Variants in IRF1 observed in about 807,000 individuals in gnomAD.
The protein encoded by IRF1 is interferon regulatory factor 1, also known as interferon regulatory factor-1.
Under a neutral mutation model 43.7 loss-of-function variants are expected in IRF1, and 13 were observed. The observed-to-expected ratio is 0.30, with a 90% CI of 0.19 to 0.47. The LOEUF (loss-of-function observed/expected upper bound fraction) is 0.47, where lower values mean the gene tolerates loss of function less well. Ranked by LOEUF, IRF1 falls within the 20% of genes least tolerant of loss-of-function variation. The probability of loss-of-function intolerance (pLI) is 0.99; values close to 1 mark genes in which losing one functional copy is unlikely to be tolerated. For missense variants in IRF1, 236 were observed against 408.9 expected (o/e 0.58, Z 3.65); for synonymous variants, 138 against 146.8 (o/e 0.94, Z 0.43).
At chr5:132,484,167 G>A (rs930711657) in intron 9 of IRF1, 92 bp from the exon 10 acceptor site, 12 of 1,508,980 alleles carry the variant, frequency 8.0e-6, no homozygotes, top group Non-Finnish European at 1.0e-5. Context: ...CATGGCCTCT[G>A]CTCTTCCCAG....
chr5:132,489,185 G>A (rs1237061724), intron 2 of IRF1: 3 of 524,740 alleles, frequency 5.7e-6, no homozygotes, highest in Middle Eastern at 4.5e-4. Flanking sequence ...TCAGGTGGGT[G>A]CCCTACCTCA....
At chr5:132,484,218 G>T in intron 9 of IRF1, 143 bp from the exon 10 acceptor site, 1 of 1,443,144 alleles carries the variant, frequency 6.9e-7, no homozygotes, top group Non-Finnish European at 9.5e-7. Context: ...CAAACCTTAA[G>T]GCATGGCAGC....
At chr5:132,484,317 G>A (rs1265812165) in intron 9 of IRF1, 45 bp downstream of exon 9, 1 of 1,608,354 alleles carries the variant, frequency 6.2e-7, no homozygotes. Context: ...TCCCTACGTG[G>A]TTCTCCCTCA....
In IRF1 at chr5:132,482,082, C is replaced by T. The variant is rs1358222309; in HGVS notation, c.*1869G>A. ...TTTTTTTTTTTTTGAGACAAAGTCT[C>T]ACTCTTGTCACCCAGGCTGGAGTGC... On this transcript the variant is annotated 3_prime_UTR_variant, in exon 10 of 10. Transcript: ENST00000245414. 13 of 151,738 alleles carry T rather than the reference C, an allele frequency of 8.6e-5. No homozygotes were observed. Among genetic ancestry groups the T allele is most frequent in the Admixed American group, 7.2e-4 (11 of 15,240 alleles). The allele number at this position is 151,738 out of a possible 1,614,324, so 9.4% of individuals were successfully genotyped here.
chr5:132,487,424 G>C, intron 3 of IRF1: 1 of 431,464 alleles, frequency 2.3e-6, no homozygotes, highest in Non-Finnish European at 4.3e-6. Context: ...ACTATGCCCA[G>C]TCTTCCTCCT....
chr5:132,484,143 C>G, intron 9 of IRF1, 68 bp from the exon 10 acceptor site: 13 of 1,586,072 alleles, frequency 8.2e-6, no homozygotes, highest in Middle Eastern at 3.7e-4. Context: ...CCCCCTACCC[C>G]TGAAGGCCAT....
chr5:132,484,637 G>A lies in IRF1; in HGVS notation c.718-140C>T, dbSNP rs1754470763. 1.8e-5 allele frequency: 19 copies of A among 1,081,408 alleles called. 1 individual carries two copies. In the South Asian group the frequency reaches 2.2e-4, roughly 13 times the overall value. 67.0% of individuals were successfully genotyped at this position (1,081,408 alleles called of 1,614,324 possible). ...ACAATCTCAGATAGGATGCAGAAGT[G>A]CACTGCAGTCAGGACAAGGGCCCGG... is the stretch of plus-strand genomic sequence containing the variant. On this transcript the variant is annotated intron_variant, in intron 8 of 9. Coordinates refer to ENST00000245414, the MANE Select transcript of IRF1 (RefSeq NM_002198.3).
intron 3 of IRF1, chr5:132,487,635 C>G (rs967608306): frequency 2.1e-6 from 1 of 465,986 alleles, no homozygotes; most frequent in Non-Finnish European, 3.9e-6. Context: ...TTTCAGTGCC[C>G]TGGCTTACAG....
At position 132,486,330 on chromosome 5, in the gene IRF1, G is replaced by A. The variant is rs765433105; in HGVS notation, c.588C>T (p.His196=). 6.2e-6 allele frequency: 10 copies of A among 1,612,938 alleles called. No individual in the cohort carries two copies. Among genetic ancestry groups the A allele is most frequent in the Non-Finnish European group, 8.5e-6 (10 of 1,179,976 alleles). ...TGTCCGGCACAACTTCCACTGGGAT[G>A]TGCCAGTCGGGGAGAGTGCTGCTGA... ...CAVSSTLPDW[H]IPVEVVPDST... The change falls in exon 7 of 10, where the codon CAC becomes CAT. Residue 196 remains histidine (H), a synonymous_variant. Transcript: ENST00000245414.
intron 3 of IRF1, chr5:132,487,567 CAT>C (rs755462002): frequency 5.4e-4 from 193 of 356,782 alleles, no homozygotes; most frequent in Non-Finnish European, 8.6e-4. Flanking sequence ...CCACCAACCA[CAT>C]GAGGCTTGGA....
At chr5:132,484,221 A>G in intron 9 of IRF1, 141 bp downstream of exon 9, 1 of 1,438,088 alleles carries the variant, frequency 7.0e-7, no homozygotes, top group Non-Finnish European at 9.6e-7. Context: ...ACCTTAAGGC[A>G]TGGCAGCCGT....
chr5:132,487,231 T>C lies in IRF1; in HGVS notation c.188-101A>G. 8.3e-6 allele frequency: 10 copies of C among 1,199,508 alleles called. No individual in the cohort carries two copies. The South Asian group carries it at 1.2e-4, about 14-fold the overall frequency. 74.3% of individuals were successfully genotyped at this position (1,199,508 alleles called of 1,614,324 possible). The stretch of plus-strand genomic sequence containing the variant: ...AAGGCAAGGTACCCCTGACCTCTTA[T>C]GCTACCAGAGAGCCACAGTGGTCAA... On this transcript the variant is annotated intron_variant, in intron 3 of 9. Transcript: ENST00000245414.
intron 9 of IRF1, 124 bp downstream of exon 9, chr5:132,484,238 T>C (rs188983738): frequency 7.0e-7 from 1 of 1,435,386 alleles, no homozygotes; most frequent in African/African-American, 1.4e-5. Flanking sequence ...CCGTAGCTAA[T>C]TCACAATGTG....
At position 132,485,912 on chromosome 5, in the gene IRF1, C is replaced by A; in HGVS notation, c.668-196G>T. 8.2e-6 allele frequency: 5 copies of A among 609,226 alleles called. No homozygotes were observed. In the South Asian group the frequency reaches 9.5e-5, roughly 12 times the overall value. 37.7% of individuals were successfully genotyped at this position (609,226 alleles called of 1,614,324 possible). A position where few individuals can be genotyped will look rare whatever the true frequency, so the allele number is the denominator to read the frequency against. On this transcript the variant is annotated intron_variant, in intron 7 of 9. Transcript: ENST00000245414. The stretch of plus-strand genomic sequence containing the variant: ...ACAGGACCCTGGCCTGGTGACTCAG[C>A]CTCTCAAACCCTGAAGCCACGCCGC...
chr5:132,489,554 C>G, intron 1 of IRF1, 71 bp from the exon 2 acceptor site: 2 of 1,226,682 alleles, frequency 1.6e-6, no homozygotes, highest in South Asian at 2.4e-5. Flanking sequence ...CTGCCCCACC[C>G]GAGGTCACTT....
In IRF1 at chr5:132,482,663, G is replaced by GTTTTTTTTTTTTTT. The variant is rs55959557; in HGVS notation, c.*1274_*1287dup. 1.5e-5 allele frequency: 1 copy of GTTTTTTTTTTTTTT among 65,922 alleles called. No homozygotes were observed. 4.1% of individuals were successfully genotyped at this position (65,922 alleles called of 1,614,324 possible). On this transcript the variant is annotated 3_prime_UTR_variant, in exon 10 of 10. Transcript: ENST00000245414. ...GCCACCATGCCCGGCCAAATGAAAG[G>GTTTTTTTTTTTTTT]TTTTTTTTTTTTTTTTTTTTTTTGG...
At chr5:132,486,209 C>T (rs746771418) in intron 7 of IRF1, 42 bp downstream of exon 7, 5 of 1,608,660 alleles carry the variant, frequency 3.1e-6, no homozygotes, top group Non-Finnish European at 4.2e-6. Flanking sequence ...TTCACAGGAC[C>T]CAGACAGTCA....
intron 8 of IRF1, chr5:132,484,925 T>C (rs1307221739): frequency 1.9e-5 from 3 of 158,794 alleles, no homozygotes; most frequent in East Asian, 1.8e-4. Flanking sequence ...CAAAAACTTT[T>C]TTTTGAAATG....
chr5:132,486,436 C>CAGGG (rs754262947), intron 6 of IRF1, 63 bp from the exon 7 acceptor site: 1 of 1,609,310 alleles, frequency 6.2e-7, no homozygotes, highest in East Asian at 2.2e-5. Flanking sequence ...AGACATCGAG[C>CAGGG]GCCCTCCGAC....
Sources: gnomAD v4.1 joint callset for allele counts on GRCh38, gnomAD v4.1.1 for gene constraint, MANE v1.5 for transcripts, NCBI Gene and HGNC (gene_info 2026-07-23, HGNC 2026-07-21) for gene names.